SH3RF2: variants seen among roughly 807,000 people sequenced by gnomAD.
SH3RF2 encodes the protein SH3 domain containing ring finger 2, also known as E3 ubiquitin-protein ligase SH3RF2.
SH3RF2 carries 43 observed loss-of-function variants against 59.0 expected under a neutral mutation model. That is an observed-to-expected ratio of 0.73 (90% confidence interval 0.57 to 0.94). The LOEUF is 0.94. Among genes scored for constraint, SH3RF2 ranks in the 40% least tolerant of loss-of-function variants. The probability of loss-of-function intolerance (pLI) is 0.00; values close to 1 mark genes in which losing one functional copy is unlikely to be tolerated. For synonymous variants in SH3RF2, 391 were observed against 391.5 expected (o/e 1.00, Z 0.01); for missense variants, 930 against 940.1 (o/e 0.99, Z 0.14).
rs1021761433 is a variant in SH3RF2, at chr5:146,023,128, T to C, written c.1059+9067T>C. Among the ~76,000 whole-genome samples the C allele has an allele frequency of 1.4e-4, 21 of 152,162 alleles. 1 individual carries two copies. Among genetic ancestry groups the C allele is most frequent in the Non-Finnish European group, 1.5e-5 (1 of 68,026 alleles). ...AAACAAAGTCACTTGCCCTTTTGAA[T>C]TTTCCAAATTCTGGATATTACTGGT... On this transcript the variant is annotated intron_variant, in intron 5 of 9. Coordinates refer to ENST00000359120, the MANE Select transcript of SH3RF2 (RefSeq NM_152550.4).
At chr5:146,020,160 A>T (rs11749557) in intron 5 of SH3RF2, among the ~76,000 whole-genome samples, 46,909 of 151,774 alleles carry the variant, frequency 0.31, 8,081 homozygotes, top group Non-Finnish European at 0.38. Flanking sequence ...ACAATGTCTC[A>T]AGGGTAGAAA....
chr5:146,048,907 T>G (rs1415072415), intron 6 of SH3RF2, among the ~76,000 whole-genome samples, 168 bp from the exon 7 acceptor site: 1 of 152,190 alleles, frequency 6.6e-6, no homozygotes, highest in African/African-American at 2.4e-5. Context: ...TCCACCTGCC[T>G]TGGCCTCCCG....
In SH3RF2 at chr5:145,938,076, C is replaced by T. The variant is rs752236375; in HGVS notation, c.148C>T (p.Pro50Ser). 14 of 1,614,218 alleles carry T rather than the reference C, an allele frequency of 8.7e-6. No homozygotes were observed. Among genetic ancestry groups the T allele is most frequent in the Admixed American group, 8.3e-5 (5 of 60,034 alleles). The change falls in exon 2 of 10, where the codon CCC (proline) becomes TCC (serine). Residue 50 changes from proline to serine, a missense_variant. Physicochemically the swap from Pro to Ser is moderately conservative, Grantham distance 74 (BLOSUM62 -1). Coordinates refer to ENST00000359120, the MANE Select transcript of SH3RF2 (RefSeq NM_152550.4). ...VFKAHKELRCPECRTPVFSNI... is the reference protein window; with the variant it reads ...VFKAHKELRCSECRTPVFSNI... ...CAAGGCCCACAAAGAGCTGCGGTGC[C>T]CCGAATGCAGGACGCCTGTGTTTTC...
chr5:146,049,180 G>T lies in SH3RF2; in HGVS notation c.1257G>T (p.Arg419Ser). 1 of 1,614,094 alleles carries T rather than the reference G, an allele frequency of 6.2e-7. No homozygotes were observed. Among genetic ancestry groups the T allele is most frequent in the Non-Finnish European group, 8.5e-7 (1 of 1,180,000 alleles). ...VLGKCQDGWL[R>S]GVSLVTGRVG... ...GGAAGTGCCAGGACGGCTGGCTCAG[G>T]GGCGTCTCCTTGGTCACCGGGCGAG... Residue 419 changes from arginine to serine, a missense_variant, in exon 7 of 10, where the codon AGG (arginine) becomes AGT (serine). Arg to Ser is a moderately radical substitution (Grantham distance 110). Transcript: ENST00000359120.
intron 2 of SH3RF2, among the ~76,000 whole-genome samples, chr5:145,953,228 A>G (rs192513741): frequency 6.6e-6 from 1 of 152,286 alleles, no homozygotes; most frequent in East Asian, 1.9e-4. Context: ...GGAGGATAAA[A>G]GGAAAGATAT....
At chr5:145,967,846 GA>G (rs1758917200) in intron 2 of SH3RF2, among the ~76,000 whole-genome samples, 1 of 152,108 alleles carries the variant, frequency 6.6e-6, no homozygotes. Flanking sequence ...TTTTAGTAGA[GA>G]CAGGGTTTCA....
chr5:146,075,580 G>A (rs1454971777), intron 9 of SH3RF2, among the ~76,000 whole-genome samples: 1 of 152,050 alleles, frequency 6.6e-6, no homozygotes, highest in Non-Finnish European at 1.5e-5. Context: ...GGAGGCCAAG[G>A]CGGGTGGATC....
Position 146,021,704 on chromosome 5 carries a change from C to T in SH3RF2, c.1059+7643C>T, listed in dbSNP as rs1761326284. On this transcript the variant is annotated intron_variant, in intron 5 of 9. Coordinates refer to ENST00000359120, the MANE Select transcript of SH3RF2 (RefSeq NM_152550.4). Reference sequence around the variant, plus strand: ...AAGCAAGAAAGGACCAGAAGGCCTCCCACCTCTCTCTCTATTTTGCCAGAG... The same window carrying T: ...AAGCAAGAAAGGACCAGAAGGCCTCTCACCTCTCTCTCTATTTTGCCAGAG... Among the ~76,000 whole-genome samples, 6 of 152,212 alleles carry T rather than the reference C, an allele frequency of 3.9e-5. 1 individual carries two copies. The South Asian group carries it at 1.0e-3, about 26-fold the overall frequency.
At chr5:145,955,097 A>T (rs1758341736) in intron 2 of SH3RF2, among the ~76,000 whole-genome samples, 1 of 152,162 alleles carries the variant, frequency 6.6e-6, no homozygotes, top group Non-Finnish European at 1.5e-5. Context: ...TCAACATTAG[A>T]TGTGGGTGGG....
chr5:145,993,398 G>T (rs1363144199), intron 2 of SH3RF2, among the ~76,000 whole-genome samples: 1 of 152,162 alleles, frequency 6.6e-6, no homozygotes, highest in Non-Finnish European at 1.5e-5. Flanking sequence ...GGACTCTGTG[G>T]GGGGGCTCTG....
At chr5:145,999,469 G>A (rs1171843665) in intron 2 of SH3RF2, among the ~76,000 whole-genome samples, 2 of 152,124 alleles carry the variant, frequency 1.3e-5, no homozygotes, top group Non-Finnish European at 2.9e-5. Flanking sequence ...GCCTATCTCA[G>A]CTTTAGTCAT....
At chr5:146,074,401 G>A (rs1418906341) in intron 9 of SH3RF2, among the ~76,000 whole-genome samples, 1 of 152,100 alleles carries the variant, frequency 6.6e-6, no homozygotes, top group Non-Finnish European at 1.5e-5. Flanking sequence ...ATTACAAGCG[G>A]AGAGGCAAAT....
intron 2 of SH3RF2, among the ~76,000 whole-genome samples, chr5:145,968,764 T>G (rs916419917): frequency 9.9e-5 from 15 of 152,250 alleles, no homozygotes; most frequent in African/African-American, 3.6e-4. Flanking sequence ...ATTACAATTC[T>G]GACTAGTCAC....
intron 2 of SH3RF2, among the ~76,000 whole-genome samples, chr5:145,957,150 T>G (rs1318168268): frequency 6.6e-6 from 1 of 152,228 alleles, no homozygotes; most frequent in Non-Finnish European, 1.5e-5. Flanking sequence ...AAACTAATTT[T>G]AGAAACAATC....
intron 8 of SH3RF2, among the ~76,000 whole-genome samples, chr5:146,059,561 CGTGTGT>C (rs144618502): frequency 6.6e-6 from 1 of 150,698 alleles, no homozygotes; most frequent in African/African-American, 2.4e-5. Flanking sequence ...TGTGTGTGTG[CGTGTGT>C]GTGTGTGTAT....
intron 5 of SH3RF2, among the ~76,000 whole-genome samples, chr5:146,033,472 TTTTTTTTTTTTTTTTG>T (rs1761814928): frequency 1.1e-5 from 1 of 89,934 alleles, no homozygotes. Context: ...TTTTTTTTTT[TTTTTTTTTTTTTTTTG>T]AGATGGAGTT....
intron 2 of SH3RF2, among the ~76,000 whole-genome samples, chr5:145,976,173 T>C (rs1759286057): frequency 6.6e-6 from 1 of 152,140 alleles, no homozygotes; most frequent in South Asian, 2.1e-4. Flanking sequence ...AATTAACAAA[T>C]GCAGGATATT....
chr5:145,938,458 C>A, intron 2 of SH3RF2, 152 bp downstream of exon 2: 1 of 949,522 alleles, frequency 1.1e-6, no homozygotes, highest in Non-Finnish European at 1.5e-6. Context: ...TCATTTTACT[C>A]AAATACAATG....
chr5:145,943,308 T>C (rs1025771216), intron 2 of SH3RF2, among the ~76,000 whole-genome samples: 3 of 149,432 alleles, frequency 2.0e-5, no homozygotes, highest in Non-Finnish European at 4.4e-5. Context: ...TGATGAGAAA[T>C]AGGTCAGTGG....
Sources: allele counts gnomAD v4.1 joint callset (sites outside exome capture counted in the v4.1 genomes callset), GRCh38; gene constraint gnomAD v4.1.1; transcripts MANE v1.5; gene names NCBI Gene and HGNC (gene_info 2026-07-23, HGNC 2026-07-21).